The following RNF115 variants were observed in gnomAD, a reference collection of about 807,000 sequenced individuals.
The protein encoded by RNF115 is ring finger protein 115.
RNF115 carries 31 observed loss-of-function variants against 39.2 expected under a neutral mutation model. That is an observed-to-expected ratio of 0.79 (90% CI 0.59 to 1.07). RNF115 has a LOEUF of 1.07. Among genes scored for constraint, RNF115 ranks in the 50% least tolerant of loss-of-function variants. RNF115 has a pLI of 0.00. For missense variants in RNF115, 384 were observed against 381.7 expected, an observed-to-expected ratio of 1.01 and a Z score of -0.05; for synonymous variants, 124 against 131.0, an observed-to-expected ratio of 0.95 and a Z score of 0.37.
intron 3 of RNF115, among the ~76,000 whole-genome samples, chr1:145,778,963 T>A (rs868941272): frequency 2.0e-5 from 3 of 152,218 alleles, no homozygotes; most frequent in African/African-American, 7.2e-5. Flanking sequence ...GGATGTCCAT[T>A]TGACCACAGT....
At chr1:145,772,665 T>C (rs939789808) in intron 3 of RNF115, 1 of 152,244 alleles carries the variant, frequency 6.6e-6, no homozygotes, top group Non-Finnish European at 1.5e-5. Context: ...TCTCTCTTTA[T>C]CTCTGGCTTC....
At chr1:145,823,500 C>A (rs1374504244) in intron 1 of RNF115, among the ~76,000 whole-genome samples, 1 of 122,300 alleles carries the variant, frequency 8.2e-6, no homozygotes, top group Non-Finnish European at 1.7e-5. Context: ...CAGAGGGAAA[C>A]TTGCTAAGAA....
chr1:145,757,590 A>G (rs1658350132), intron 4 of RNF115, among the ~76,000 whole-genome samples: 2 of 152,256 alleles, frequency 1.3e-5, no homozygotes. Flanking sequence ...TTAATGGAAA[A>G]GAAAGGATGA....
Position 145,771,835 on chromosome 1 carries a change from CTCTATTA to C in RNF115, c.297_303del (p.Asp99GlufsTer89). ...TGAGTCTGGTGACCCCTTTCATTGG[CTCTATTA>C]TCTTGGTCCAGTGGACTGCTACTTA... On this transcript the variant is annotated frameshift_variant, in exon 4 of 9. Coordinates refer to ENST00000582693, the MANE Select transcript of RNF115 (RefSeq NM_014455.4). LOFTEE classifies it high-confidence loss of function. The C allele has an allele frequency of 6.2e-7, 1 of 1,614,112 alleles. No individual in the cohort carries two copies. The highest frequency in any genetic ancestry group is 8.5e-7 in the Non-Finnish European group (1 of 1,179,998).
At chr1:145,763,436 G>C (rs782240615) in intron 4 of RNF115, among the ~76,000 whole-genome samples, 1 of 152,146 alleles carries the variant, frequency 6.6e-6, no homozygotes, top group Non-Finnish European at 1.5e-5. Flanking sequence ...AGTGGCTCAC[G>C]CCTGTAATCC....
In RNF115 at chr1:145,753,828, TGCCTTA is replaced by T. The variant is rs201892821; in HGVS notation, c.429-785_429-780del. The stretch of plus-strand genomic sequence containing the variant: ...GCCTCCCAGGTTCAGGCAATTCTCC[TGCCTTA>T]GCCTCCCGAGTAGCTGGGATTATAG... On this transcript the variant is annotated intron_variant, in intron 4 of 8. Coordinates refer to ENST00000582693, the MANE Select transcript of RNF115 (RefSeq NM_014455.4). 7.7e-3 allele frequency among the ~76,000 whole-genome samples: 1,174 copies of T among 152,316 alleles called. 15 individuals are homozygous for T. Among genetic ancestry groups the T allele is most frequent in the African/African-American group, 0.027 (1,118 of 41,558 alleles).
intron 1 of RNF115, among the ~76,000 whole-genome samples, chr1:145,816,579 C>T (rs1418261203): frequency 2.0e-5 from 2 of 98,824 alleles, no homozygotes; most frequent in African/African-American, 6.3e-5. Flanking sequence ...CAACCTAGTC[C>T]CGTTGAACAC....
At chr1:145,760,198 G>A (rs2318298) in intron 4 of RNF115, among the ~76,000 whole-genome samples, 75,063 of 151,888 alleles carry the variant, frequency 0.49, 19,140 homozygotes, top group East Asian at 0.7. Context: ...AGCACATTGG[G>A]AGGCCAAGAC....
At chr1:145,782,565 A>G (rs782755135) in intron 3 of RNF115, among the ~76,000 whole-genome samples, 4 of 152,354 alleles carry the variant, frequency 2.6e-5, no homozygotes, top group African/African-American at 4.8e-5. Context: ...CACCTGAAGG[A>G]TAACTCATGC....
intron 4 of RNF115, among the ~76,000 whole-genome samples, chr1:145,759,292 A>T (rs756471064): frequency 6.6e-6 from 1 of 152,122 alleles, no homozygotes; most frequent in South Asian, 2.1e-4. Context: ...TCCAGCCAAG[A>T]CCTCTGCCTA....
intron 2 of RNF115, among the ~76,000 whole-genome samples, chr1:145,787,516 G>A (rs587614108): frequency 6.7e-6 from 1 of 149,874 alleles, no homozygotes; most frequent in East Asian, 2.0e-4. Flanking sequence ...AGATTGCAGT[G>A]AGCCAAGATC....
At chr1:145,794,689 G>A (rs1312118039) in intron 1 of RNF115, among the ~76,000 whole-genome samples, 2 of 151,044 alleles carry the variant, frequency 1.3e-5, no homozygotes, top group East Asian at 2.0e-4. Flanking sequence ...AAAATGAAGC[G>A]CGGACCCTCC....
At chr1:145,810,967 G>A (rs1487416006) in intron 1 of RNF115, among the ~76,000 whole-genome samples, 1 of 148,478 alleles carries the variant, frequency 6.7e-6, no homozygotes, top group Non-Finnish European at 1.5e-5. Context: ...TTGGGCTCAG[G>A]TAATCCTCCC....
intron 3 of RNF115, 102 bp downstream of exon 3, chr1:145,784,437 A>G (rs1349042946): frequency 9.7e-7 from 1 of 1,032,960 alleles, no homozygotes; most frequent in Non-Finnish European, 1.5e-6. Context: ...TTATACATTC[A>G]GTTAAACTCT....
intron 3 of RNF115, among the ~76,000 whole-genome samples, chr1:145,774,787 T>C (rs1553716296): frequency 6.6e-6 from 1 of 152,226 alleles, no homozygotes. Flanking sequence ...TCATGTCTTT[T>C]GTCCATTTTC....
chr1:145,775,776 C>T (rs1647856437), intron 3 of RNF115, among the ~76,000 whole-genome samples: 1 of 151,886 alleles, frequency 6.6e-6, no homozygotes, highest in Non-Finnish European at 1.5e-5. Flanking sequence ...TGGGGGGGAT[C>T]ACTGAGGCCA....
chr1:145,757,247 C>A (rs1553713308), intron 4 of RNF115, among the ~76,000 whole-genome samples: 3 of 152,116 alleles, frequency 2.0e-5, no homozygotes, highest in Non-Finnish European at 4.4e-5. Flanking sequence ...CAAATAAGGT[C>A]ATATTCACGG....
chr1:145,786,961 T>C (rs1648409354), intron 2 of RNF115: 1 of 795,114 alleles, frequency 1.3e-6, no homozygotes, highest in Non-Finnish European at 1.9e-6. Context: ...CTCCAGCTTA[T>C]TTACACATAT....
intron 3 of RNF115, 25 bp from the exon 4 acceptor site, chr1:145,771,944 C>T: frequency 6.3e-7 from 1 of 1,585,146 alleles, no homozygotes; most frequent in Non-Finnish European, 8.6e-7. Flanking sequence ...AAATAAGTCA[C>T]ATGTTAGAAA....
Sources: gnomAD v4.1 joint callset for allele counts (sites outside exome capture counted in the v4.1 genomes callset) on GRCh38, gnomAD v4.1.1 for gene constraint, MANE v1.5 for transcripts, NCBI Gene and HGNC (gene_info 2026-07-23, HGNC 2026-07-21) for gene names.